NDST3: variants seen among roughly 807,000 people sequenced by gnomAD.
NDST3 encodes N-deacetylase and N-sulfotransferase 3.
NDST3 carries 58 observed loss-of-function variants against 96.1 expected under a neutral mutation model. The observed-to-expected ratio is 0.60, with a 90% CI of 0.49 to 0.75. The LOEUF is 0.75. NDST3 is among the 30% of genes least tolerant of loss of function. The probability of loss-of-function intolerance (pLI) is 0.00; values close to 1 mark genes in which losing one functional copy is unlikely to be tolerated. For synonymous variants in NDST3, 333 were observed against 359.7 expected (o/e 0.93, Z 0.84); for missense variants, 788 against 1,034.2 (o/e 0.76, Z 3.27).
intron 6 of NDST3, among the ~76,000 whole-genome samples, chr4:118,175,627 G>A (rs1165506695): frequency 1.3e-5 from 2 of 152,056 alleles, no homozygotes; most frequent in African/African-American, 2.4e-5. Flanking sequence ...CGCACACTGG[G>A]AGGCACACGC....
At chr4:118,073,028 T>G (rs552631414) in intron 2 of NDST3, among the ~76,000 whole-genome samples, 9 of 152,308 alleles carry the variant, frequency 5.9e-5, no homozygotes, top group African/African-American at 2.2e-4. Flanking sequence ...TAAAACACAT[T>G]TATTGATTTA....
chr4:118,229,943 C>G (rs1036068252), intron 8 of NDST3, among the ~76,000 whole-genome samples: 1 of 152,126 alleles, frequency 6.6e-6, no homozygotes, highest in African/African-American at 2.4e-5. Flanking sequence ...AGATATGGCA[C>G]TCTTTAGGTG....
intron 6 of NDST3, among the ~76,000 whole-genome samples, chr4:118,213,372 C>T (rs72677010): frequency 8.5e-4 from 130 of 152,228 alleles, no homozygotes; most frequent in Non-Finnish European, 1.7e-3. Context: ...AATATGCATT[C>T]GGTTGGAACC....
At chr4:118,242,837 A>G (rs1372599459) in intron 12 of NDST3, among the ~76,000 whole-genome samples, 1 of 151,892 alleles carries the variant, frequency 6.6e-6, no homozygotes. Context: ...GGGCTGAAGA[A>G]GGCAGTCACT....
chr4:118,248,665 G>T (rs1484679809), intron 12 of NDST3, among the ~76,000 whole-genome samples: 6 of 152,186 alleles, frequency 3.9e-5, no homozygotes, highest in Admixed American at 3.9e-4. Context: ...GGCCTTGAAA[G>T]GAGGGCCCCA....
At chr4:118,161,002 T>C (rs1366061730) in intron 6 of NDST3, among the ~76,000 whole-genome samples, 1 of 152,190 alleles carries the variant, frequency 6.6e-6, no homozygotes, top group Non-Finnish European at 1.5e-5. Flanking sequence ...TTCGTGGTTT[T>C]ATCTACTTTT....
rs755642179 is a variant in NDST3, at chr4:118,054,419, A to G, written c.509A>G (p.Lys170Arg). The G allele has an allele frequency of 1.9e-6, 3 of 1,613,162 alleles. No individual in the cohort carries two copies. The South Asian group carries it at 3.3e-5, about 18-fold the overall frequency. Residue 170 changes from lysine to arginine, a missense_variant, in exon 2 of 14, where the codon AAG (lysine) becomes AGG (arginine). Coordinates refer to ENST00000296499, the MANE Select transcript of NDST3 (RefSeq NM_004784.3). ...GVIGFHKTSE[K>R]SVQSFQLKGF... The stretch of plus-strand genomic sequence containing the variant: ...ATTGGATTCCACAAAACTAGTGAGA[A>G]GAGTGTACAGAGCTTTCAGTTAAAA...
intron 4 of NDST3, among the ~76,000 whole-genome samples, chr4:118,121,838 A>G (rs889156122): frequency 8.5e-5 from 13 of 152,184 alleles, no homozygotes; most frequent in African/African-American, 2.9e-4. Flanking sequence ...CCTCTTACCC[A>G]TATCTACAGT....
chr4:118,060,625 TTCTTC>T (rs1725817899), intron 2 of NDST3, among the ~76,000 whole-genome samples: 1 of 152,126 alleles, frequency 6.6e-6, no homozygotes, highest in Non-Finnish European at 1.5e-5. Context: ...CTTGTTATAT[TTCTTC>T]TCTTCTTTCT....
intron 6 of NDST3, among the ~76,000 whole-genome samples, chr4:118,172,642 C>T (rs1409603139): frequency 6.6e-6 from 1 of 152,012 alleles, no homozygotes; most frequent in East Asian, 1.9e-4. Flanking sequence ...TTTCTTTCTG[C>T]TCTTCCATAT....
intron 2 of NDST3, among the ~76,000 whole-genome samples, chr4:118,077,208 G>T (rs1306011363): frequency 2.0e-5 from 3 of 152,154 alleles, no homozygotes; most frequent in Non-Finnish European, 4.4e-5. Context: ...TGATGGGGGG[G>T]TGCCAGCCAA....
chr4:118,037,978 T>A (rs1053350629), intron 1 of NDST3, among the ~76,000 whole-genome samples: 1 of 152,316 alleles, frequency 6.6e-6, no homozygotes, highest in East Asian at 1.9e-4. Flanking sequence ...TGGCTGTCTT[T>A]CCTTATCTGG....
chr4:118,081,813 A>G (rs1437858367), intron 2 of NDST3, among the ~76,000 whole-genome samples: 1 of 152,174 alleles, frequency 6.6e-6, no homozygotes, highest in Non-Finnish European at 1.5e-5. Context: ...TTTGTCAGAT[A>G]AAAAAGTTGC....
intron 4 of NDST3, among the ~76,000 whole-genome samples, chr4:118,129,426 T>A (rs894859372): frequency 5.3e-5 from 8 of 152,054 alleles, no homozygotes; most frequent in African/African-American, 1.9e-4. Context: ...TCAATTTCCA[T>A]CTTAATTTTT....
intron 6 of NDST3, among the ~76,000 whole-genome samples, chr4:118,155,817 A>G (rs979683344): frequency 4.6e-5 from 7 of 152,176 alleles, no homozygotes; most frequent in African/African-American, 1.4e-4. Flanking sequence ...AGAAAGCATG[A>G]TTAAGTTGTG....
intron 2 of NDST3, among the ~76,000 whole-genome samples, chr4:118,074,861 C>G (rs1328341030): frequency 1.3e-5 from 2 of 151,996 alleles, no homozygotes; most frequent in African/African-American, 2.4e-5. Context: ...TGGTGGCCAG[C>G]AAAAGACTTT....
intron 2 of NDST3, among the ~76,000 whole-genome samples, chr4:118,065,163 A>G (rs1726206332): frequency 6.6e-6 from 1 of 152,028 alleles, no homozygotes; most frequent in African/African-American, 2.4e-5. Flanking sequence ...GGTAAAGGAG[A>G]TATTATTCTG....
intron 6 of NDST3, among the ~76,000 whole-genome samples, chr4:118,144,302 TC>T (rs1364944405): frequency 1.1e-4 from 16 of 152,084 alleles, no homozygotes; most frequent in African/African-American, 3.9e-4. Flanking sequence ...TGCCTCAGCC[TC>T]CCGAGTAGCT....
intron 8 of NDST3, among the ~76,000 whole-genome samples, chr4:118,229,867 A>G (rs1740153413): frequency 6.6e-6 from 1 of 152,166 alleles, no homozygotes; most frequent in African/African-American, 2.4e-5. Context: ...TAATGTATTT[A>G]TTTATTGTAA....
Sources: gnomAD v4.1 joint callset for allele counts (sites outside exome capture counted in the v4.1 genomes callset) on GRCh38, gnomAD v4.1.1 for gene constraint, MANE v1.5 for transcripts, NCBI Gene and HGNC (gene_info 2026-07-23, HGNC 2026-07-21) for gene names.